The following IL12RB2 variants were observed in gnomAD, a reference collection of about 807,000 sequenced individuals.
IL12RB2 encodes interleukin-12 receptor subunit beta-2.
IL12RB2 carries 82 observed loss-of-function variants against 89.4 expected under a neutral mutation model. That is an observed-to-expected ratio of 0.92 (90% confidence interval 0.77 to 1.10). The LOEUF is 1.10. Among genes scored for constraint, IL12RB2 ranks in the 50% least tolerant of loss-of-function variants. The probability of loss-of-function intolerance (pLI) is 0.00; values close to 1 mark genes in which losing one functional copy is unlikely to be tolerated. For missense variants in IL12RB2, 963 were observed against 1,031.9 expected (o/e 0.93, Z 0.92); for synonymous variants, 368 against 370.1 (o/e 0.99, Z 0.07).
intron 2 of IL12RB2, among the ~76,000 whole-genome samples, chr1:67,317,683 T>C (rs1345568934): frequency 3.3e-5 from 5 of 152,192 alleles, no homozygotes; most frequent in Admixed American, 3.3e-4. Context: ...TGGTGGGCCA[T>C]TTTCCTGTCT....
intron 10 of IL12RB2, 32 bp from the exon 11 acceptor site, chr1:67,367,793 T>A: frequency 8.0e-7 from 1 of 1,248,442 alleles, no homozygotes; most frequent in Non-Finnish European, 1.2e-6. Flanking sequence ...CCTCTTTTTT[T>A]ATTTTGTTTC....
chr1:67,394,617 A>T (rs979300192), intron 16 of IL12RB2, among the ~76,000 whole-genome samples: 3 of 152,232 alleles, frequency 2.0e-5, no homozygotes, highest in Non-Finnish European at 4.4e-5. Flanking sequence ...CTGACAAGGA[A>T]TATTACCTTG....
chr1:67,394,641 G>A (rs1035794658), intron 16 of IL12RB2, among the ~76,000 whole-genome samples: 19 of 152,208 alleles, frequency 1.2e-4, no homozygotes, highest in African/African-American at 4.1e-4. Context: ...GAAACCTTTC[G>A]GTAGTTCTCT....
chr1:67,332,226 T>G (rs1658187987), intron 8 of IL12RB2, among the ~76,000 whole-genome samples: 1 of 152,028 alleles, frequency 6.6e-6, no homozygotes, highest in Non-Finnish European at 1.5e-5. Context: ...GCATTTTTTT[T>G]TTTTTTTGAG....
chr1:67,309,946 G>T (rs1484833531), intron 1 of IL12RB2, among the ~76,000 whole-genome samples: 2 of 151,968 alleles, frequency 1.3e-5, no homozygotes, highest in Non-Finnish European at 2.9e-5. Context: ...AGGCCGAGGT[G>T]GGGGGATCAC....
chr1:67,384,434 C>A (rs1052635790), intron 14 of IL12RB2, among the ~76,000 whole-genome samples: 2 of 152,232 alleles, frequency 1.3e-5, no homozygotes, highest in African/African-American at 4.8e-5. Context: ...GCCCTGGACC[C>A]AGCCCTGAAA....
chr1:67,330,280 A>ATTTTTTTT (rs1657892196), intron 7 of IL12RB2, among the ~76,000 whole-genome samples: 1 of 147,756 alleles, frequency 6.8e-6, no homozygotes, highest in Admixed American at 6.9e-5. Flanking sequence ...TTTTAAAAAA[A>ATTTTTTTT]AAAAAAGCCA....
intron 8 of IL12RB2, among the ~76,000 whole-genome samples, chr1:67,335,798 G>T (rs1413770289): frequency 6.6e-6 from 1 of 152,150 alleles, no homozygotes; most frequent in Non-Finnish European, 1.5e-5. Flanking sequence ...CCCTGGTCAT[G>T]AAATGTTACA....
intron 1 of IL12RB2, among the ~76,000 whole-genome samples, chr1:67,309,091 G>A (rs1193140731): frequency 6.6e-6 from 1 of 151,198 alleles, no homozygotes; most frequent in Non-Finnish European, 1.5e-5. Flanking sequence ...TATATATAAA[G>A]AATAAAGCTA....
At chr1:67,333,504 G>T (rs1011209082) in intron 8 of IL12RB2, among the ~76,000 whole-genome samples, 2 of 151,762 alleles carry the variant, frequency 1.3e-5, no homozygotes, top group African/African-American at 2.4e-5. Flanking sequence ...TCTCCGGGTG[G>T]ATTGGTGTAG....
Position 67,380,114 on chromosome 1 carries a change from T to C in IL12RB2, c.1846T>C (p.Cys616Arg). The change falls in exon 14 of 17, where the codon TGT (cysteine) becomes CGT (arginine). Residue 616 changes from cysteine (C) to arginine (R), a missense_variant. Transcript: ENST00000674203. ...ESSHGNEREF[C>R]LQGKANWMAF... ...TTCCCACGGAAATGAGAGGGAATTT[T>C]GTCTGCAAGGTGAGAGGCAGTGTTA... 1 of 1,614,242 alleles carries C rather than the reference T, an allele frequency of 6.2e-7. No homozygotes were observed. The highest frequency in any genetic ancestry group is 8.5e-7 in the Non-Finnish European group (1 of 1,180,036).
chr1:67,314,870 C>T (rs960675603), intron 2 of IL12RB2, among the ~76,000 whole-genome samples: 2 of 137,536 alleles, frequency 1.5e-5, no homozygotes, highest in African/African-American at 2.7e-5. Flanking sequence ...TTGTTTTCAC[C>T]ATCTGGAAAC....
intron 16 of IL12RB2, among the ~76,000 whole-genome samples, chr1:67,394,454 C>T (rs1252887584): frequency 6.6e-6 from 1 of 152,018 alleles, no homozygotes; most frequent in African/African-American, 2.4e-5. Context: ...TGGTCACCGG[C>T]AGAATGCTAA....
At chr1:67,388,588 C>T (rs1385525644) in intron 15 of IL12RB2, among the ~76,000 whole-genome samples, 5 of 152,188 alleles carry the variant, frequency 3.3e-5, no homozygotes, top group Admixed American at 3.3e-4. Flanking sequence ...TCATGATCCA[C>T]CCACCTCAGT....
intron 9 of IL12RB2, among the ~76,000 whole-genome samples, chr1:67,346,823 T>C (rs1445343274): frequency 6.6e-6 from 1 of 152,166 alleles, no homozygotes. Flanking sequence ...GAGACTTCCA[T>C]ATAGAACAGA....
At position 67,386,208 on chromosome 1, in the gene IL12RB2, C is replaced by CAAAAA. The variant is rs755471388; in HGVS notation, c.1856-351_1856-347dup. Among the ~76,000 whole-genome samples, 78 of 53,570 alleles carry CAAAAA rather than the reference C, an allele frequency of 1.5e-3. 1 individual carries two copies. Among genetic ancestry groups the CAAAAA allele is most frequent in the East Asian group, 2.2e-3 (3 of 1,382 alleles). 35.1% of individuals were successfully genotyped at this position (53,570 alleles called of 152,430 possible). On this transcript the variant is annotated intron_variant, in intron 14 of 16. Coordinates refer to ENST00000674203, the MANE Select transcript of IL12RB2 (RefSeq NM_001374259.2). ...TGGGAGACACAGTGAGACTCCATCT[C>CAAAAA]AAAAAAAAAAAAAAAAAAAAAAAAG...
At chr1:67,378,842 T>TC (rs1274716316) in intron 13 of IL12RB2, among the ~76,000 whole-genome samples, 29 of 100,518 alleles carry the variant, frequency 2.9e-4, no homozygotes, top group East Asian at 1.2e-3. Flanking sequence ...AGAGCAAGAC[T>TC]CTTCTCAAAA....
chr1:67,347,376 G>A (rs960282896), intron 9 of IL12RB2, among the ~76,000 whole-genome samples: 1 of 152,122 alleles, frequency 6.6e-6, no homozygotes, highest in Admixed American at 6.6e-5. Context: ...AGTTCAGTAA[G>A]TTTTTTAAAT....
intron 6 of IL12RB2, among the ~76,000 whole-genome samples, chr1:67,329,245 T>C (rs1425372156): frequency 6.6e-6 from 1 of 152,220 alleles, no homozygotes; most frequent in Admixed American, 6.5e-5. Flanking sequence ...ACTAGCCGTC[T>C]CTGGCTTCTC....
Sources: gnomAD v4.1 joint callset for allele counts (sites outside exome capture counted in the v4.1 genomes callset) on GRCh38, gnomAD v4.1.1 for gene constraint, MANE v1.5 for transcripts, NCBI Gene and HGNC (gene_info 2026-07-23, HGNC 2026-07-21) for gene names.